The following POLR2F variants were observed in gnomAD, a reference collection of about 807,000 sequenced individuals.
POLR2F encodes RNA polymerase II, I and III subunit F.
A neutral mutation model predicts 22.7 loss-of-function variants in POLR2F; 12 were observed. The observed-to-expected ratio is 0.53, with a 90% confidence interval of 0.34 to 0.86. The LOEUF is 0.86. Among genes scored for constraint, POLR2F ranks in the 40% least tolerant of loss-of-function variants. POLR2F has a pLI of 0.02. For synonymous variants in POLR2F, 57 were observed against 66.0 expected (o/e 0.86, Z 0.66); for missense variants, 126 against 171.5 (o/e 0.73, Z 1.48).
upstream of POLR2F, among the ~76,000 whole-genome samples, chr22:37,985,737 G>A (rs1183212614): frequency 6.6e-6 from 1 of 151,946 alleles, no homozygotes; most frequent in Non-Finnish European, 1.5e-5. Flanking sequence ...GTCCAAAGGG[G>A]TGTAGGGGGT....
chr22:38,031,585 C>G (rs2085066674), downstream of POLR2F, among the ~76,000 whole-genome samples: 1 of 152,200 alleles, frequency 6.6e-6, no homozygotes, highest in African/African-American at 2.4e-5. This position sits in a 1 kb window ranked among gnomAD's most constrained non-coding sequence, Gnocchi z 4.1. Flanking sequence ...AGGTCCCCAC[C>G]AGCACCAACA....
At chr22:37,971,479 T>A (rs1932050042), downstream of POLR2F, among the ~76,000 whole-genome samples, 1 of 151,812 alleles carries the variant, frequency 6.6e-6, no homozygotes, top group African/African-American at 2.4e-5. Flanking sequence ...GTCTTTGGAG[T>A]TGTGTGCTTG....
At position 38,025,537 on chromosome 22, in the gene POLR2F, G is replaced by A. The variant is rs764186282; in HGVS notation, c.121-332G>A. The A allele has an allele frequency of 2.6e-5, 38 of 1,435,836 alleles. No individual in the cohort carries two copies. In the East Asian group the frequency reaches 3.5e-4, roughly 13 times the overall value. 88.9% of individuals were successfully genotyped at this position (1,435,836 alleles called of 1,614,324 possible). The stretch of plus-strand genomic sequence containing the variant: ...CACAAATTCCCTGATCGTCCCCCTC[G>A]TTTGCCTGTCCACGCCCTTCTCCCA... On this transcript the variant is annotated intron_variant, in intron 1 of 2. Coordinates refer to the POLR2F transcript ENST00000333418.
downstream of POLR2F, among the ~76,000 whole-genome samples, chr22:37,971,648 C>G (rs1434266775): frequency 6.6e-6 from 1 of 152,000 alleles, no homozygotes; most frequent in African/African-American, 2.4e-5. Flanking sequence ...CTGGCGTGGG[C>G]TGCTGTGTGT....
chr22:38,001,327 G>A (rs1239138948), intron 1 of POLR2F, among the ~76,000 whole-genome samples: 1 of 152,202 alleles, frequency 6.6e-6, no homozygotes, highest in East Asian at 1.9e-4. Flanking sequence ...TCTTTAGAGA[G>A]AACAGATAAA....
At chr22:37,999,843 G>A (rs1185127231) in intron 1 of POLR2F, among the ~76,000 whole-genome samples, 4 of 152,188 alleles carry the variant, frequency 2.6e-5, no homozygotes, top group African/African-American at 9.7e-5. Context: ...CGACACAATA[G>A]CCAACCACTG....
intron 1 of POLR2F, among the ~76,000 whole-genome samples, chr22:38,011,873 TGTTTA>T (rs1171892906): frequency 1.3e-5 from 2 of 151,966 alleles, no homozygotes; most frequent in African/African-American, 4.8e-5. Flanking sequence ...ATCTCAGCAA[TGTTTA>T]GTTTTTTTGA....
At chr22:37,993,152 C>T (rs1417527076) in intron 1 of POLR2F, among the ~76,000 whole-genome samples, 1 of 152,168 alleles carries the variant, frequency 6.6e-6, no homozygotes, top group Non-Finnish European at 1.5e-5. Context: ...AAAGAGCTGT[C>T]TGTAAATATG....
chr22:38,021,461 T>G (rs1427652897), intron 1 of POLR2F, among the ~76,000 whole-genome samples: 1 of 152,164 alleles, frequency 6.6e-6, no homozygotes, highest in Non-Finnish European at 1.5e-5. Context: ...ACTCCAATGA[T>G]CTAAGCAGCT....
At chr22:37,955,025 T>G (rs1931316195) in intron 1 of POLR2F, among the ~76,000 whole-genome samples, 1 of 152,054 alleles carries the variant, frequency 6.6e-6, no homozygotes. Flanking sequence ...GTGGAGATCA[T>G]TAATGAGCTT....
In POLR2F at chr22:37,980,587, C is replaced by A. The variant is rs1456818279; in HGVS notation, c.293+13417C>A. 6.6e-6 allele frequency among the ~76,000 whole-genome samples: 1 copy of A among 152,164 alleles called. No individual in the cohort carries two copies. The highest frequency in any genetic ancestry group is 1.5e-5 in the Non-Finnish European group (1 of 68,028). ...ATTCCACCTCCACCCCAACCCCAAG[C>A]CCAGCCTGCCCACCATGTAAACCCA... On this transcript the variant is annotated intron_variant, in intron 4 of 4. Transcript: ENST00000405557. This position sits in a 1 kb window ranked among gnomAD's most constrained non-coding sequence, Gnocchi z 4.1.
intron 5 of POLR2F, among the ~76,000 whole-genome samples, chr22:38,034,429 G>C (rs1308215125): frequency 6.6e-6 from 1 of 152,196 alleles, no homozygotes; most frequent in Admixed American, 6.5e-5. Context: ...CCTTCTCTGG[G>C]CTCCAGCTTC....
At chr22:37,973,474 G>A (rs531333419), downstream of POLR2F, 15 of 1,475,072 alleles carry the variant, frequency 1.0e-5, no homozygotes, top group South Asian at 1.3e-4. Flanking sequence ...TGGGCGGGGG[G>A]TGGTGGCGAC....
intron 1 of POLR2F, among the ~76,000 whole-genome samples, chr22:38,020,827 G>A (rs2084955321): frequency 6.6e-6 from 1 of 152,050 alleles, no homozygotes; most frequent in South Asian, 2.1e-4. Context: ...CCCTCTCGTT[G>A]CCATGGTTTT....
chr22:38,000,035 C>T (rs2084754676), intron 1 of POLR2F, among the ~76,000 whole-genome samples: 1 of 152,248 alleles, frequency 6.6e-6, no homozygotes, highest in African/African-American at 2.4e-5. Flanking sequence ...GTGGTTTTGG[C>T]GAGGGTGAGC....
chr22:38,012,652 C>T (rs2084881322), intron 1 of POLR2F, among the ~76,000 whole-genome samples: 1 of 152,198 alleles, frequency 6.6e-6, no homozygotes. Context: ...CGTTTACTCA[C>T]CATATCTCCC....
At chr22:37,996,130 C>T (rs1049694859) in intron 1 of POLR2F, among the ~76,000 whole-genome samples, 5 of 152,170 alleles carry the variant, frequency 3.3e-5, no homozygotes, top group Admixed American at 1.3e-4. Flanking sequence ...CCTGGGGGAC[C>T]AGGCTGGGTT....
In POLR2F at chr22:37,986,735, T is replaced by C. The variant is rs748146521; in HGVS notation, c.120+423T>C. On this transcript the variant is annotated intron_variant, in intron 1 of 2. Transcript: ENST00000333418. The surrounding 1 kb of genome is among the most constrained non-coding windows in gnomAD (Gnocchi z 4.7). ...GTGGGAAGGGCTGTCAGATGACCAG[T>C]GCTGTGTGTGTGTGGTTGGGGCCCC... The C allele has an allele frequency of 2.1e-6, 1 of 485,886 alleles. No homozygotes were observed. Among genetic ancestry groups the C allele is most frequent in the South Asian group, 1.5e-5 (1 of 64,798 alleles). The allele number at this position is 485,886 out of a possible 1,614,324, so 30.1% of individuals were successfully genotyped here.
In POLR2F at chr22:37,978,212, C is replaced by T; in HGVS notation, c.293+11042C>T. The T allele has an allele frequency of 5.0e-6, 7 of 1,410,122 alleles. No homozygotes were observed. The highest frequency in any genetic ancestry group is 6.5e-6 in the Non-Finnish European group (7 of 1,070,534). The allele number at this position is 1,410,122 out of a possible 1,614,324, so 87.4% of individuals were successfully genotyped here. On this transcript the variant is annotated intron_variant, in intron 4 of 4. Transcript: ENST00000405557. This position sits in a 1 kb window ranked among gnomAD's most constrained non-coding sequence, Gnocchi z 5.0. The stretch of plus-strand genomic sequence containing the variant: ...CAGAGCACTCCAGGTTGGCCTCCCT[C>T]TGAGTGTCCATCTTGGAAGATGTGA...
Sources: gnomAD v4.1 joint callset for allele counts (sites outside exome capture counted in the v4.1 genomes callset) on GRCh38, gnomAD v4.1.1 for gene constraint, Gnocchi (gnomAD v3.1) non-coding constraint, MANE v1.5 for transcripts, NCBI Gene and HGNC (gene_info 2026-07-23, HGNC 2026-07-21) for gene names.